Variants in RRM2 observed in about 807,000 individuals in gnomAD.
RRM2 encodes ribonucleoside-diphosphate reductase subunit M2.
In RRM2, 6 loss-of-function variants were observed where a neutral mutation model predicts 45.9. That is an observed-to-expected ratio of 0.13 (90% CI 0.07 to 0.26). RRM2 has a LOEUF of 0.26. RRM2 is among the 10% of genes least tolerant of loss of function. The pLI, the probability that RRM2 is intolerant of heterozygous loss-of-function variation, is 1.00. For synonymous variants in RRM2, 177 were observed against 173.0 expected (o/e 1.02, Z -0.18); for missense variants, 343 against 489.5 (o/e 0.70, Z 2.82).
intron 3 of RRM2, among the ~76,000 whole-genome samples, chr2:10,194,738 C>T (rs538150758): frequency 1.3e-5 from 2 of 152,360 alleles, no homozygotes; most frequent in East Asian, 1.9e-4. Context: ...TGCTGGGGCT[C>T]TACGGGGGCA....
rs1295687278 is a variant in RRM2 at position 10,174,958 on chromosome 2, G to A, written n.482+32583G>A. On this transcript the variant is annotated intron_variant and non_coding_transcript_variant, in intron 3 of 3. Transcript: ENST00000381786. ...CATTTTACAGGAAATTTGGAGATAGGGAAAATAGAAAGAAGAGGAAAAGAT... is the reference window on the plus strand; with the variant it reads ...CATTTTACAGGAAATTTGGAGATAGAGAAAATAGAAAGAAGAGGAAAAGAT... Among the ~76,000 whole-genome samples, 76 of 152,170 alleles carry A rather than the reference G, an allele frequency of 5.0e-4. 1 individual carries two copies. Among genetic ancestry groups the A allele is most frequent in the Admixed American group, 5.0e-3 (76 of 15,298 alleles).
chr2:10,170,809 G>A (rs981189861), intron 3 of RRM2, among the ~76,000 whole-genome samples: 1 of 151,276 alleles, frequency 6.6e-6, no homozygotes, highest in Non-Finnish European at 1.5e-5. Flanking sequence ...CCACGCCCCC[G>A]CCCCCAGCCA....
chr2:10,177,953 G>A lies in RRM2; in HGVS notation n.483-32358G>A, dbSNP rs189691368. On this transcript the variant is annotated intron_variant and non_coding_transcript_variant, in intron 3 of 3. Coordinates refer to the RRM2 transcript ENST00000381786. ...TTTTTTTTTCTTTAGACGGAGTCTCGCTCTGTCACCCAGGCTGGAGTGCAG... is the reference window on the plus strand; with the variant it reads ...TTTTTTTTTCTTTAGACGGAGTCTCACTCTGTCACCCAGGCTGGAGTGCAG... Among the ~76,000 whole-genome samples, 577 of 144,178 alleles carry A rather than the reference G, an allele frequency of 4.0e-3. 2 individuals are homozygous for A. The highest frequency in any genetic ancestry group is 0.014 in the African/African-American group (536 of 38,592). The allele number at this position is 144,178 out of a possible 152,430, so 94.6% of individuals were successfully genotyped here. A position where few individuals can be genotyped will look rare whatever the true frequency, so the allele number is the denominator to read the frequency against.
chr2:10,207,464 A>G (rs929673428), intron 3 of RRM2, among the ~76,000 whole-genome samples: 4 of 152,200 alleles, frequency 2.6e-5, no homozygotes, highest in African/African-American at 4.8e-5. Flanking sequence ...CCCTGGGGAT[A>G]AAAACAAGAC....
chr2:10,158,430 G>A (rs1446583117), intron 3 of RRM2, among the ~76,000 whole-genome samples: 1 of 152,094 alleles, frequency 6.6e-6, no homozygotes, highest in African/African-American at 2.4e-5. Context: ...CATGCTGCCT[G>A]CCTCTGGGAG....
intron 3 of RRM2, among the ~76,000 whole-genome samples, chr2:10,179,685 C>T (rs1207479408): frequency 6.6e-6 from 1 of 152,178 alleles, no homozygotes; most frequent in Non-Finnish European, 1.5e-5. Context: ...AGCTGCATCT[C>T]TCTGCCTCTG....
chr2:10,201,406 A>T (rs1389414205), intron 3 of RRM2, among the ~76,000 whole-genome samples: 1 of 152,222 alleles, frequency 6.6e-6, no homozygotes, highest in Non-Finnish European at 1.5e-5. Context: ...CGAGCAAAAC[A>T]TCAAAAAGAT....
intron 3 of RRM2, among the ~76,000 whole-genome samples, chr2:10,147,771 G>A (rs1452512513): frequency 6.6e-6 from 1 of 152,014 alleles, no homozygotes; most frequent in Non-Finnish European, 1.5e-5. Context: ...ATTTCTTAGT[G>A]TTTGTCTTTA....
intron 3 of RRM2, among the ~76,000 whole-genome samples, chr2:10,183,017 A>G (rs1664092889): frequency 6.6e-6 from 1 of 152,118 alleles, no homozygotes; most frequent in South Asian, 2.1e-4. Context: ...TGTCTCTACA[A>G]AAATTACAAA....
At chr2:10,154,427 C>G (rs13420725) in intron 3 of RRM2, among the ~76,000 whole-genome samples, 49 of 106,796 alleles carry the variant, frequency 4.6e-4, no homozygotes, top group Non-Finnish European at 7.1e-4. Flanking sequence ...GGGGGGTGGG[C>G]GCACAGAGGT....
At chr2:10,134,796 A>C (rs1662963977), downstream of RRM2, among the ~76,000 whole-genome samples, 1 of 152,228 alleles carries the variant, frequency 6.6e-6, no homozygotes, top group Non-Finnish European at 1.5e-5. Flanking sequence ...GATGTATCTA[A>C]GGGAATTATT....
intron 3 of RRM2, among the ~76,000 whole-genome samples, chr2:10,154,780 C>T (rs1446529435): frequency 6.8e-6 from 1 of 146,864 alleles, no homozygotes; most frequent in Non-Finnish European, 1.5e-5. Context: ...ACTGCAACCT[C>T]TGCCTCCCGG....
intron 3 of RRM2, among the ~76,000 whole-genome samples, chr2:10,158,966 G>A (rs4669541): frequency 0.16 from 25,069 of 152,204 alleles, 2,191 homozygotes; most frequent in South Asian, 0.33. Context: ...GTAGTAGTGA[G>A]AACAGTGCCG....
At chr2:10,132,457 GGTT>G (rs1309422237), downstream of RRM2, among the ~76,000 whole-genome samples, 1 of 152,110 alleles carries the variant, frequency 6.6e-6, no homozygotes, top group Non-Finnish European at 1.5e-5. Context: ...TAGTGTCTGA[GGTT>G]GTGCTGCTTC....
At chr2:10,170,421 C>T (rs1054386014) in intron 3 of RRM2, among the ~76,000 whole-genome samples, 3 of 151,950 alleles carry the variant, frequency 2.0e-5, no homozygotes, top group South Asian at 2.1e-4. Flanking sequence ...GGCTCGTGGG[C>T]GCTGGAACCA....
At chr2:10,164,007 T>C (rs564046655) in intron 3 of RRM2, among the ~76,000 whole-genome samples, 323 of 135,474 alleles carry the variant, frequency 2.4e-3, no homozygotes, top group Non-Finnish European at 4.5e-3. Flanking sequence ...TGTGAATGTG[T>C]GCGTGTGTGT....
intron 3 of RRM2, among the ~76,000 whole-genome samples, chr2:10,163,008 C>T (rs905426480): frequency 1.3e-5 from 2 of 152,188 alleles, no homozygotes; most frequent in Non-Finnish European, 2.9e-5. Context: ...CACTCCTGCA[C>T]GCAGGGCCCC....
chr2:10,198,230 G>C (rs1664455422), intron 3 of RRM2, among the ~76,000 whole-genome samples: 1 of 152,172 alleles, frequency 6.6e-6, no homozygotes, highest in East Asian at 1.9e-4. Context: ...GTCCAGGATA[G>C]GGCAGTCCTC....
At chr2:10,177,663 T>TTCCCTTCCTTCCTTCC (rs1663944970) in intron 3 of RRM2, among the ~76,000 whole-genome samples, 3 of 141,150 alleles carry the variant, frequency 2.1e-5, no homozygotes, top group African/African-American at 8.3e-5. Flanking sequence ...CTTCTTTCCT[T>TTCCCTTCCTTCCTTCC]TTCCTTCCTT....
Sources: gnomAD v4.1 joint callset for allele counts (sites outside exome capture counted in the v4.1 genomes callset) on GRCh38, gnomAD v4.1.1 for gene constraint, MANE v1.5 for transcripts, NCBI Gene and HGNC (gene_info 2026-07-23, HGNC 2026-07-21) for gene names.